Variants in PCDH12 observed in about 807,000 individuals in gnomAD.
The protein encoded by PCDH12 is protocadherin 12, also known as protocadherin-12.
In PCDH12, 45 loss-of-function variants were observed where a neutral mutation model predicts 70.9. The ratio of observed to expected loss-of-function variants is 0.63; its 90% confidence interval spans 0.50 to 0.81. The LOEUF (loss-of-function observed/expected upper bound fraction) is 0.81, where lower values mean the gene tolerates loss of function less well. PCDH12 is among the 40% of genes least tolerant of loss of function. PCDH12 has a pLI of 0.00. For missense variants in PCDH12, 1,370 were observed against 1,491.7 expected (o/e 0.92, Z 1.34); for synonymous variants, 567 against 626.0 (o/e 0.91, Z 1.41).
intron 3 of PCDH12, among the ~76,000 whole-genome samples, chr5:141,946,419 A>G (rs777658516): frequency 2.4e-4 from 36 of 152,174 alleles, no homozygotes; most frequent in African/African-American, 1.2e-4. Context: ...CTGCTAGGCA[A>G]CCAAACCTCA....
chr5:141,957,222 A>G lies in PCDH12; in HGVS notation c.630T>C (p.Phe210=), dbSNP rs1183780216. ...KELDREIHSF[F]DLVLTAYDNG... Reference sequence around the variant, plus strand: ...TGTCATAGGCAGTTAACACCAGATCAAAAAATGAATGGATTTCCCTGTCCA... The same window carrying G: ...TGTCATAGGCAGTTAACACCAGATCGAAAAATGAATGGATTTCCCTGTCCA... The change falls in exon 1 of 4, where the codon TTT becomes TTC. Residue 210 remains phenylalanine (F), a synonymous_variant. Coordinates refer to ENST00000231484, the MANE Select transcript of PCDH12 (RefSeq NM_016580.4). This position sits in a 1 kb window ranked among gnomAD's most constrained non-coding sequence, Gnocchi z 4.3. 6.2e-7 allele frequency: 1 copy of G among 1,614,204 alleles called. No homozygotes were observed. The highest frequency in any genetic ancestry group is 8.5e-7 in the Non-Finnish European group (1 of 1,180,038).
In PCDH12 at chr5:141,945,571, TC is replaced by T. The variant is rs759957093; in HGVS notation, c.3364del (p.Glu1122AsnfsTer27). Reference protein sequence around the residue: ...EMSSLLEMLLEQRSSMPVEAA... With the variant: ...EMSSLLEMLLXQRSSMPVEAA... The stretch of plus-strand genomic sequence containing the variant: ...CTCCACGGGCATGCTGGAGCGCTGT[TC>T]CAGCAGCATCTCCAGCAGTGAGCTC... On this transcript the variant is annotated frameshift_variant, in exon 4 of 4. Transcript: ENST00000231484. LOFTEE classifies it low-confidence loss of function (END_TRUNC). The T allele has an allele frequency of 6.2e-7, 1 of 1,614,006 alleles. No individual in the cohort carries two copies. Among genetic ancestry groups the T allele is most frequent in the East Asian group, 2.2e-5 (1 of 44,880 alleles).
At position 141,956,088 on chromosome 5, in the gene PCDH12, C is replaced by G. The variant is rs766988018; in HGVS notation, c.1764G>C (p.Leu588=). The change falls in exon 1 of 4, where the codon CTG becomes CTC. Residue 588 remains leucine, a synonymous_variant. Coordinates refer to ENST00000231484, the MANE Select transcript of PCDH12 (RefSeq NM_016580.4). ...CATTGGGAGTCTCGATGGGCACCAG[C>G]AGGTGGCCTGTGGAGGCATTCACAA... ...SVLVNASTGH[L]LVPIETPNGL... 6 of 1,614,188 alleles carry G rather than the reference C, an allele frequency of 3.7e-6. No individual in the cohort carries two copies. The highest frequency in any genetic ancestry group is 5.1e-6 in the Non-Finnish European group (6 of 1,180,016).
Position 141,956,314 on chromosome 5 carries a change from T to C in PCDH12, c.1538A>G (p.Asn513Ser). 6.2e-7 allele frequency: 1 copy of C among 1,614,206 alleles called. No individual in the cohort carries two copies. The highest frequency in any genetic ancestry group is 8.5e-7 in the Non-Finnish European group (1 of 1,180,032). Residue 513 changes from asparagine (N) to serine (S), a missense_variant, in exon 1 of 4, where the codon AAC (asparagine) becomes AGC (serine). Transcript: ENST00000231484. Reference sequence around the variant, plus strand: ...CCTCTGAGCAGTGACCTCTCCTGTGTTGGAGTCAATAGCTACTAAGTGAGC... The same window carrying C: ...CCTCTGAGCAGTGACCTCTCCTGTGCTGGAGTCAATAGCTACTAAGTGAGC... ...PVAHLVAIDS[N>S]TGEVTAQRSL...
chr5:141,956,385 C>G lies in PCDH12; in HGVS notation c.1467G>C (p.Leu489Phe). The change falls in exon 1 of 4, where the codon TTG (leucine) becomes TTC (phenylalanine). Residue 489 changes from leucine to phenylalanine, a missense_variant. Leu to Phe is a conservative substitution (Grantham distance 22). Transcript: ENST00000231484. ...GGTATGAGACTTTTCCATTAATGCC[C>G]AAGTCTGCATCATGAGCCTTGATGG... ...LITIKAHDADLGINGKVSYRI... is the reference protein window; with the variant it reads ...LITIKAHDADFGINGKVSYRI... 6.2e-7 allele frequency: 1 copy of G among 1,614,192 alleles called. No homozygotes were observed. Among genetic ancestry groups the G allele is most frequent in the South Asian group, 1.1e-5 (1 of 91,076 alleles).
intron 3 of PCDH12, 50 bp downstream of exon 3, chr5:141,949,382 G>A (rs1490122196): frequency 6.4e-7 from 1 of 1,561,492 alleles, no homozygotes; most frequent in Non-Finnish European, 8.7e-7. Context: ...TCTGAAGCTT[G>A]GACACCATGG....
At position 141,957,183 on chromosome 5, in the gene PCDH12, G is replaced by A. The variant is rs199646351; in HGVS notation, c.669C>T (p.Pro223=). The change falls in exon 1 of 4, where the codon CCC becomes CCT. Residue 223 remains proline (P), a synonymous_variant. Coordinates refer to ENST00000231484, the MANE Select transcript of PCDH12 (RefSeq NM_016580.4). This position sits in a 1 kb window ranked among gnomAD's most constrained non-coding sequence, Gnocchi z 4.3. ...VLTAYDNGNP[P]KSGTSLVKVN... ...CCTTGACCAAGCTGGTACCTGACTTGGGGGGGTTCCCATTGTCATAGGCAG... is the reference window on the plus strand; with the variant it reads ...CCTTGACCAAGCTGGTACCTGACTTAGGGGGGTTCCCATTGTCATAGGCAG... 6.2e-7 allele frequency: 1 copy of A among 1,614,044 alleles called. No homozygotes were observed. The highest frequency in any genetic ancestry group is 1.6e-4 in the Middle Eastern group (1 of 6,062).
chr5:141,951,411 C>T (rs999573716), intron 2 of PCDH12, 82 bp downstream of exon 2: 1 of 1,034,408 alleles, frequency 9.7e-7, no homozygotes, highest in Non-Finnish European at 1.5e-6. Flanking sequence ...TGTGCTCACC[C>T]TTCCTCACTC....
At position 141,956,460 on chromosome 5, in the gene PCDH12, C is replaced by A. The variant is rs759589459; in HGVS notation, c.1392G>T (p.Arg464Ser). 6.8e-6 allele frequency: 11 copies of A among 1,614,196 alleles called. No homozygotes were observed. Among genetic ancestry groups the A allele is most frequent in the Non-Finnish European group, 9.3e-6 (11 of 1,180,022 alleles). Reference sequence around the variant, plus strand: ...TGTTTTCCCGCGTGGAGACTTCATACCTGCTTTTCTCAAACACAGGTGCAT... The same window carrying A: ...TGTTTTCCCGCGTGGAGACTTCATAACTGCTTTTCTCAAACACAGGTGCAT... ...NDNAPVFEKS[R>S]YEVSTRENNL... Residue 464 changes from arginine to serine, a missense_variant, in exon 1 of 4, where the codon AGG becomes AGT. Arg to Ser is a moderately radical substitution (Grantham distance 110, BLOSUM62 -1). Transcript: ENST00000231484.
At chr5:141,948,130 G>A (rs182076968) in intron 3 of PCDH12, among the ~76,000 whole-genome samples, 101 of 152,188 alleles carry the variant, frequency 6.6e-4, no homozygotes, top group African/African-American at 2.4e-3. Flanking sequence ...AAAATTTACA[G>A]CCACACTGCC....
Position 141,956,653 on chromosome 5 carries a change from A to C in PCDH12, c.1199T>G (p.Phe400Cys), listed in dbSNP as rs768618483. 1 of 1,614,218 alleles carries C rather than the reference A, an allele frequency of 6.2e-7. No homozygotes were observed. The highest frequency in any genetic ancestry group is 2.2e-5 in the East Asian group (1 of 44,882). ...GTTGCCATTAGTTCTTTTCAGCCTG[A>C]AGTGGCCCAGCTCTTGGCTCAGCCA... ...HCWLSQELGH[F>C]RLKRTNGNTY... The change falls in exon 1 of 4, where the codon TTC becomes TGC. Residue 400 changes from phenylalanine (F) to cysteine (C), a missense_variant. Coordinates refer to ENST00000231484, the MANE Select transcript of PCDH12 (RefSeq NM_016580.4).
chr5:141,951,779 T>G lies in PCDH12; in HGVS notation c.2881-189A>C, dbSNP rs576971787. 4.7e-4 allele frequency among the ~76,000 whole-genome samples: 71 copies of G among 152,384 alleles called. 1 individual carries two copies. In the South Asian group the frequency reaches 0.013, roughly 28 times the overall value. On this transcript the variant is annotated intron_variant, in intron 1 of 3. Coordinates refer to ENST00000231484, the MANE Select transcript of PCDH12 (RefSeq NM_016580.4). ...ACCTGGGCGGGCAGGTCCCCTGCTC[T>G]GTCATGTCACCCCAGGACCTGAGTG...
rs762460872 is a variant in PCDH12, at chr5:141,955,802, G to A, written c.2050C>T (p.Pro684Ser). ...EIVVEDQGSP[P>S]LQTRALLRVM... ...CTCAACAGGGCTCGGGTCTGTAAGG[G>A]GGGGCTTCCCTGGTCCTCTACTACT... Residue 684 changes from proline to serine, a missense_variant, in exon 1 of 4, where the codon CCC becomes TCC. Coordinates refer to ENST00000231484, the MANE Select transcript of PCDH12 (RefSeq NM_016580.4). The surrounding 1 kb of genome is among the most constrained non-coding windows in gnomAD (Gnocchi z 5.5). The A allele has an allele frequency of 5.0e-6, 8 of 1,613,742 alleles. No individual in the cohort carries two copies. The highest frequency in any genetic ancestry group is 6.8e-6 in the Non-Finnish European group (8 of 1,179,910).
rs1161251693 is a variant in PCDH12, at chr5:141,954,968, G to A, written c.2880+4C>T. ...AGAGAAAGAGCTGCCCATGCCCCAG[G>A]TACCTGAACAGGAGGAGAATCCACA... is the stretch of plus-strand genomic sequence containing the variant. On this transcript the variant is annotated splice_donor_region_variant and intron_variant, in intron 1 of 3. Transcript: ENST00000231484. The A allele has an allele frequency of 6.2e-7, 1 of 1,606,928 alleles. No individual in the cohort carries two copies. Among genetic ancestry groups the A allele is most frequent in the Non-Finnish European group, 8.5e-7 (1 of 1,175,088 alleles).
intron 1 of PCDH12, 74 bp from the exon 2 acceptor site, chr5:141,951,664 A>G: frequency 9.4e-7 from 1 of 1,059,736 alleles, no homozygotes; most frequent in Non-Finnish European, 1.5e-6. Flanking sequence ...TGTTTCCCTC[A>G]ATGCCGGTGC....
At position 141,957,387 on chromosome 5, in the gene PCDH12, G is replaced by T; in HGVS notation, c.465C>A (p.Pro155=). 1 of 1,613,810 alleles carries T rather than the reference G, an allele frequency of 6.2e-7. No homozygotes were observed. Among genetic ancestry groups the T allele is most frequent in the Non-Finnish European group, 8.5e-7 (1 of 1,179,868 alleles). ...SESASLRTRI[P]LDRALDPDTG... Reference sequence around the variant, plus strand: ...TGTCTGGGTCAAGAGCTCTGTCCAGGGGGATCCGGGTTCGCAGAGAGGCGC... The same window carrying T: ...TGTCTGGGTCAAGAGCTCTGTCCAGTGGGATCCGGGTTCGCAGAGAGGCGC... Residue 155 remains proline, a synonymous_variant, in exon 1 of 4, where the codon CCC becomes CCA. Transcript: ENST00000231484. This position sits in a 1 kb window ranked among gnomAD's most constrained non-coding sequence, Gnocchi z 4.3.
In PCDH12 at chr5:141,956,703, T is replaced by C. The variant is rs895487074; in HGVS notation, c.1149A>G (p.Ser383=). 14 of 1,614,150 alleles carry C rather than the reference T, an allele frequency of 8.7e-6. No individual in the cohort carries two copies. Among genetic ancestry groups the C allele is most frequent in the Non-Finnish European group, 1.2e-5 (14 of 1,180,054 alleles). ...IALVMADDLD[S]GHNGLVHCWL... is the part of the protein sequence containing the mutation. ...AGCAGTGGACCAAACCATTGTGTCC[T>C]GAATCCAAGTCATCTGCCATGACAA... Residue 383 remains serine, a synonymous_variant, in exon 1 of 4, where the codon TCA becomes TCG. Transcript: ENST00000231484.
In PCDH12 at chr5:141,945,745, G is replaced by A. The variant is rs866219619; in HGVS notation, c.3191C>T (p.Pro1064Leu). Residue 1064 changes from proline to leucine, a missense_variant, in exon 4 of 4, where the codon CCC becomes CTC. Pro to Leu is a moderately conservative substitution (Grantham distance 98). Coordinates refer to ENST00000231484, the MANE Select transcript of PCDH12 (RefSeq NM_016580.4). ...DPAWMARLSL[P>L]LTTNYRDNVI... is the part of the protein sequence containing the mutation. Reference sequence around the variant, plus strand: ...ATTGTCACGGTAGTTGGTGGTGAGGGGCAAAGAGAGTCTCGCCATCCAGGC... The same window carrying A: ...ATTGTCACGGTAGTTGGTGGTGAGGAGCAAAGAGAGTCTCGCCATCCAGGC... 6.2e-7 allele frequency: 1 copy of A among 1,613,944 alleles called. No individual in the cohort carries two copies. The highest frequency in any genetic ancestry group is 1.7e-5 in the Admixed American group (1 of 60,014).
chr5:141,954,810 G>A (rs1324352330), intron 1 of PCDH12, among the ~76,000 whole-genome samples, 162 bp downstream of exon 1: 2 of 152,180 alleles, frequency 1.3e-5, no homozygotes, highest in Non-Finnish European at 2.9e-5. Context: ...AAGTTCAGCC[G>A]ATCACAAAGC....
Sources: gnomAD v4.1 joint callset for allele counts (sites outside exome capture counted in the v4.1 genomes callset) on GRCh38, gnomAD v4.1.1 for gene constraint, Gnocchi (gnomAD v3.1) non-coding constraint, MANE v1.5 for transcripts, NCBI Gene and HGNC (gene_info 2026-07-23, HGNC 2026-07-21) for gene names.